The following SHISA9 variants were observed in gnomAD, a reference collection of about 807,000 sequenced individuals.
SHISA9 encodes the protein protein shisa-9.
A neutral mutation model predicts 38.0 loss-of-function variants in SHISA9; 13 were observed. The ratio of observed to expected loss-of-function variants is 0.34; its 90% CI spans 0.22 to 0.54. SHISA9 has a LOEUF of 0.54. Among genes scored for constraint, SHISA9 ranks in the 20% least tolerant of loss-of-function variants. The pLI, the probability that SHISA9 is intolerant of heterozygous loss-of-function variation, is 0.91. For missense variants in SHISA9, 538 were observed against 575.8 expected (o/e 0.93, Z 0.67); for synonymous variants, 275 against 242.0 (o/e 1.14, Z -1.27).
chr16:13,305,569 C>A, the SHISA9 span, among the ~76,000 whole-genome samples: 1 of 152,158 alleles, frequency 6.6e-6, no homozygotes, highest in African/African-American at 2.4e-5. Context: ...TTGTAAGCTG[C>A]CTGGTGGGGA....
At chr16:12,977,567 A>G (rs2072180680) in intron 2 of SHISA9, among the ~76,000 whole-genome samples, 1 of 152,214 alleles carries the variant, frequency 6.6e-6, no homozygotes, top group Admixed American at 6.5e-5. Context: ...GAATCAACCC[A>G]AATGCCCATC....
the SHISA9 span, among the ~76,000 whole-genome samples, chr16:13,541,405 A>G: frequency 6.6e-6 from 1 of 152,148 alleles, no homozygotes; most frequent in African/African-American, 2.4e-5. Context: ...GCCCCACAAA[A>G]TGTGCACCCC....
chr16:12,952,993 G>A (rs1182486931), intron 2 of SHISA9, among the ~76,000 whole-genome samples: 1 of 151,888 alleles, frequency 6.6e-6, no homozygotes, highest in African/African-American at 2.4e-5. Flanking sequence ...ATGCTAATGG[G>A]GAAGACTAAT....
At chr16:13,509,204 G>A in the SHISA9 span, among the ~76,000 whole-genome samples, 1 of 151,992 alleles carries the variant, frequency 6.6e-6, no homozygotes, top group Non-Finnish European at 1.5e-5. Context: ...CCATGAGTGG[G>A]GTAGAATCTT....
the SHISA9 span, among the ~76,000 whole-genome samples, chr16:13,269,942 G>A: frequency 1.3e-5 from 2 of 152,134 alleles, no homozygotes; most frequent in African/African-American, 2.4e-5. Flanking sequence ...CCCCACTAGC[G>A]AGGCTGACAT....
At chr16:13,481,017 A>G in the SHISA9 span, among the ~76,000 whole-genome samples, 1 of 152,208 alleles carries the variant, frequency 6.6e-6, no homozygotes, top group South Asian at 2.1e-4. Context: ...AACCACCCTA[A>G]TCTTACTCAT....
At chr16:13,080,469 G>A (rs533683835) in intron 2 of SHISA9, among the ~76,000 whole-genome samples, 1 of 152,338 alleles carries the variant, frequency 6.6e-6, no homozygotes, top group East Asian at 1.9e-4. Context: ...CCCAAGAAGT[G>A]TCCCATTGGT....
intron 2 of SHISA9, among the ~76,000 whole-genome samples, chr16:13,012,035 AG>A (rs1385062218): frequency 2.0e-5 from 3 of 151,652 alleles, no homozygotes; most frequent in African/African-American, 4.9e-5. Context: ...CATGTTGGCC[AG>A]GCTTGTCTCG....
At chr16:13,388,011 C>A in the SHISA9 span, among the ~76,000 whole-genome samples, 1 of 152,120 alleles carries the variant, frequency 6.6e-6, no homozygotes, top group African/African-American at 2.4e-5. Context: ...AGCCGTGAAG[C>A]CTCTTCTACA....
Position 13,062,987 on chromosome 16 carries a change from C to T in SHISA9, c.692-140407C>T, listed in dbSNP as rs548592911. ...GACGCATCCCTCACTAGCTGAGTGA[C>T]CCTATCTCAGTTTCTTTTCTTTTTT... On this transcript the variant is annotated intron_variant, in intron 2 of 4. Transcript: ENST00000558583. Among the ~76,000 whole-genome samples, 4 of 139,488 alleles carry T rather than the reference C, an allele frequency of 2.9e-5. No homozygotes were observed. The South Asian group carries it at 7.1e-4, about 25-fold the overall frequency. 91.5% of individuals were successfully genotyped at this position (139,488 alleles called of 152,430 possible).
At chr16:13,516,929 C>T in the SHISA9 span, among the ~76,000 whole-genome samples, 1 of 152,102 alleles carries the variant, frequency 6.6e-6, no homozygotes, top group South Asian at 2.1e-4. Flanking sequence ...ATAAAACTGA[C>T]CTGTTCACTG....
chr16:13,289,951 C>T, the SHISA9 span, among the ~76,000 whole-genome samples: 3 of 152,136 alleles, frequency 2.0e-5, no homozygotes, highest in Admixed American at 6.5e-5. Context: ...AGAAAGAATG[C>T]TGTAATTTGA....
chr16:12,970,402 T>C (rs186334434), intron 2 of SHISA9, among the ~76,000 whole-genome samples: 386 of 7,252 alleles, frequency 0.053, 22 homozygotes, highest in South Asian at 0.22. Flanking sequence ...TATATATATA[T>C]ACATATATAT....
intron 2 of SHISA9, among the ~76,000 whole-genome samples, chr16:13,031,955 A>T (rs1178650417): frequency 2.6e-5 from 4 of 152,100 alleles, no homozygotes; most frequent in Non-Finnish European, 4.4e-5. Context: ...CTGAGTTGTG[A>T]GCCATGCCCA....
the SHISA9 span, among the ~76,000 whole-genome samples, chr16:13,541,435 C>T: frequency 3.7e-4 from 57 of 152,264 alleles, no homozygotes; most frequent in African/African-American, 1.3e-3. Context: ...CTGAACCCAG[C>T]CTTAACAGTT....
intron 2 of SHISA9, among the ~76,000 whole-genome samples, chr16:13,169,015 A>C (rs2050662361): frequency 6.6e-6 from 1 of 152,218 alleles, no homozygotes; most frequent in Non-Finnish European, 1.5e-5. Flanking sequence ...CTATTGAGGC[A>C]TGGACCTTAG....
chr16:13,509,592 T>C, the SHISA9 span, among the ~76,000 whole-genome samples: 225 of 152,352 alleles, frequency 1.5e-3, no homozygotes, highest in African/African-American at 5.2e-3. Context: ...TCTTTCATTT[T>C]CCGAATTTGA....
intron 2 of SHISA9, among the ~76,000 whole-genome samples, chr16:13,114,869 A>G (rs1370410344): frequency 1.3e-5 from 2 of 152,016 alleles, no homozygotes; most frequent in South Asian, 2.1e-4. Flanking sequence ...GGCTTTATAT[A>G]TGTTTATAAC....
chr16:13,496,918 G>T, the SHISA9 span, among the ~76,000 whole-genome samples: 1 of 152,108 alleles, frequency 6.6e-6, no homozygotes. Context: ...GGAAAATTTA[G>T]TATTATTAAA....
Sources: gnomAD v4.1 joint callset for allele counts (sites outside exome capture counted in the v4.1 genomes callset) on GRCh38, gnomAD v4.1.1 for gene constraint, MANE v1.5 for transcripts, NCBI Gene and HGNC (gene_info 2026-07-23, HGNC 2026-07-21) for gene names.